Variants in GLIS3 observed in about 807,000 individuals in gnomAD.
GLIS3 encodes the protein GLIS family zinc finger 3.
Under a neutral mutation model 78.6 loss-of-function variants are expected in GLIS3, and 53 were observed. The ratio of observed to expected loss-of-function variants is 0.67; its 90% CI spans 0.54 to 0.85. The LOEUF (loss-of-function observed/expected upper bound fraction) is 0.85. GLIS3 is among the 40% of genes least tolerant of loss of function. GLIS3 has a pLI of 0.00. For synonymous variants in GLIS3, 684 were observed against 509.9 expected, an observed-to-expected ratio of 1.34 and a Z score of -4.60; for missense variants, 1,703 against 1,231.1, an observed-to-expected ratio of 1.38 and a Z score of -5.74.
chr9:4,052,919 C>T (rs113009887), intron 4 of GLIS3, among the ~76,000 whole-genome samples: 3,623 of 152,122 alleles, frequency 0.024, 143 homozygotes, highest in African/African-American at 0.083. Flanking sequence ...ACAGCAGTTA[C>T]GCCATTTTTC....
chr9:4,273,997 G>C (rs978551564), intron 2 of GLIS3, among the ~76,000 whole-genome samples: 1 of 152,170 alleles, frequency 6.6e-6, no homozygotes, highest in African/African-American at 2.4e-5. Flanking sequence ...CCTTGCATAG[G>C]ACATTCTCCT....
chr9:4,281,236 T>C (rs1274324860), intron 2 of GLIS3, among the ~76,000 whole-genome samples: 1 of 152,248 alleles, frequency 6.6e-6, no homozygotes, highest in Non-Finnish European at 1.5e-5. Flanking sequence ...CCGTTCCACG[T>C]TGATTTTCAC....
At chr9:4,438,755 C>G in the GLIS3 span, among the ~76,000 whole-genome samples, 120 of 152,248 alleles carry the variant, frequency 7.9e-4, no homozygotes, top group African/African-American at 2.7e-3. Flanking sequence ...GAGTTCTGCA[C>G]AAGCTCTCTC....
chr9:4,403,082 A>G, the GLIS3 span, among the ~76,000 whole-genome samples: 1 of 152,210 alleles, frequency 6.6e-6, no homozygotes, highest in Non-Finnish European at 1.5e-5. Context: ...GAGAAAAGAC[A>G]CAAATAACAT....
At chr9:3,997,050 T>A (rs1229730681) in intron 4 of GLIS3, among the ~76,000 whole-genome samples, 1 of 152,162 alleles carries the variant, frequency 6.6e-6, no homozygotes, top group Non-Finnish European at 1.5e-5. Flanking sequence ...CCTAGACACC[T>A]TAAAAATTGA....
At chr9:4,160,866 C>G (rs1195070280) in intron 2 of GLIS3, among the ~76,000 whole-genome samples, 3 of 152,066 alleles carry the variant, frequency 2.0e-5, no homozygotes, top group Admixed American at 6.6e-5. Context: ...TGTCTCAATA[C>G]TCATTGTGTG....
chr9:4,145,379 G>T (rs989381846), intron 2 of GLIS3, among the ~76,000 whole-genome samples: 1 of 152,184 alleles, frequency 6.6e-6, no homozygotes, highest in African/African-American at 2.4e-5. Flanking sequence ...TCAATTGTGT[G>T]TGTTATTTTC....
At chr9:3,861,653 G>A (rs1179995086) in intron 8 of GLIS3, among the ~76,000 whole-genome samples, 1 of 152,164 alleles carries the variant, frequency 6.6e-6, no homozygotes, top group Non-Finnish European at 1.5e-5. Flanking sequence ...GATGGAGCTG[G>A]AAGCCATTAT....
At chr9:4,247,657 T>TA (rs904168418) in intron 2 of GLIS3, among the ~76,000 whole-genome samples, 10 of 151,998 alleles carry the variant, frequency 6.6e-5, no homozygotes, top group African/African-American at 1.9e-4. Flanking sequence ...TTCAGTAAGA[T>TA]AAAAAAACAA....
intron 2 of GLIS3, among the ~76,000 whole-genome samples, chr9:4,192,686 C>T (rs1188059648): frequency 6.6e-6 from 1 of 152,032 alleles, no homozygotes; most frequent in African/African-American, 2.4e-5. Flanking sequence ...CCTACTTTAG[C>T]AGGGCCCTGG....
chr9:4,143,919 T>C (rs901372462), intron 2 of GLIS3, among the ~76,000 whole-genome samples: 13 of 152,224 alleles, frequency 8.5e-5, no homozygotes, highest in African/African-American at 2.9e-4. Context: ...TTTTCCACCA[T>C]CTTCAGAATT....
At chr9:3,969,562 CA>C (rs1818221399) in intron 4 of GLIS3, among the ~76,000 whole-genome samples, 1 of 152,144 alleles carries the variant, frequency 6.6e-6, no homozygotes, top group Non-Finnish European at 1.5e-5. Context: ...GAATATGGAC[CA>C]TGAAGTGATT....
chr9:3,948,982 CAT>C (rs1282793914), intron 4 of GLIS3, among the ~76,000 whole-genome samples: 2 of 152,136 alleles, frequency 1.3e-5, no homozygotes, highest in Non-Finnish European at 2.9e-5. Flanking sequence ...GAAATTGAGA[CAT>C]AGAGAGGTTA....
At chr9:3,849,294 T>C (rs567580652) in intron 9 of GLIS3, among the ~76,000 whole-genome samples, 1 of 152,344 alleles carries the variant, frequency 6.6e-6, no homozygotes, top group South Asian at 2.1e-4. Flanking sequence ...CCTAGAGTGT[T>C]TGGCAGCCCC....
chr9:4,184,751 T>C (rs1156555497), intron 2 of GLIS3, among the ~76,000 whole-genome samples: 2 of 152,224 alleles, frequency 1.3e-5, no homozygotes, highest in Non-Finnish European at 2.9e-5. Context: ...CAACATCTGA[T>C]AAAGTCTACA....
intron 5 of GLIS3, among the ~76,000 whole-genome samples, chr9:3,934,846 G>C (rs1177570759): frequency 6.6e-6 from 1 of 152,156 alleles, no homozygotes; most frequent in Admixed American, 6.5e-5. Flanking sequence ...GTCAGGGACT[G>C]ATCTAAGTAG....
At chr9:4,437,281 A>T in the GLIS3 span, among the ~76,000 whole-genome samples, 1 of 152,232 alleles carries the variant, frequency 6.6e-6, no homozygotes, top group African/African-American at 2.4e-5. Flanking sequence ...TTATATTTAT[A>T]TGCAAAACCA....
intron 4 of GLIS3, among the ~76,000 whole-genome samples, chr9:4,089,633 C>G (rs1381057352): frequency 6.6e-6 from 1 of 152,140 alleles, no homozygotes; most frequent in East Asian, 1.9e-4. Flanking sequence ...TGAAACCAGC[C>G]TGGGCAAACC....
the GLIS3 span, among the ~76,000 whole-genome samples, chr9:4,366,485 C>G: frequency 5.3e-5 from 8 of 152,136 alleles, no homozygotes; most frequent in Admixed American, 3.9e-4. Flanking sequence ...TGACCCACAG[C>G]TTGGGGGTCA....
Sources: gnomAD v4.1 joint callset for allele counts (sites outside exome capture counted in the v4.1 genomes callset) on GRCh38, gnomAD v4.1.1 for gene constraint, MANE v1.5 for transcripts, NCBI Gene and HGNC (gene_info 2026-07-23, HGNC 2026-07-21) for gene names.